The following CLSTN2 variants were observed in gnomAD, a reference collection of about 807,000 sequenced individuals.
The protein encoded by CLSTN2 is calsyntenin 2.
A neutral mutation model predicts 101.2 loss-of-function variants in CLSTN2; 48 were observed. That is an observed-to-expected ratio of 0.47 (90% CI 0.38 to 0.60). The LOEUF is 0.60. Ranked by LOEUF, CLSTN2 falls within the 20% of genes least tolerant of loss-of-function variation. The pLI, the probability that CLSTN2 is intolerant of heterozygous loss-of-function variation, is 0.00. For missense variants in CLSTN2, 1,160 were observed against 1,238.2 expected (o/e 0.94, Z 0.95); for synonymous variants, 481 against 463.6 (o/e 1.04, Z -0.48).
intron 2 of CLSTN2, among the ~76,000 whole-genome samples, chr3:140,210,101 T>A (rs1576468211): frequency 1.3e-5 from 2 of 152,214 alleles, no homozygotes; most frequent in African/African-American, 4.8e-5. Flanking sequence ...CCACATTTAT[T>A]AAGAGACTTC....
At chr3:140,176,374 G>A (rs2010325468) in intron 2 of CLSTN2, among the ~76,000 whole-genome samples, 2 of 152,310 alleles carry the variant, frequency 1.3e-5, no homozygotes, top group Middle Eastern at 3.4e-3. Context: ...GGGCTAGTAA[G>A]GTTCTTAGGG....
Position 140,466,726 on chromosome 3 carries a change from G to T in CLSTN2, c.1339G>T (p.Asp447Tyr). The change falls in exon 8 of 17, where the codon GAT becomes TAT. Residue 447 changes from aspartate (D) to tyrosine (Y), a missense_variant. By Grantham distance (160) the Asp-to-Tyr change is radical. Coordinates refer to ENST00000458420, the MANE Select transcript of CLSTN2 (RefSeq NM_022131.3). Reference sequence around the variant, plus strand: ...CCCCGCGGAGTTCCACTGGAAGCTGGATCAGGTATGGTGCTCACCTCACAC... The same window carrying T: ...CCCCGCGGAGTTCCACTGGAAGCTGTATCAGGTATGGTGCTCACCTCACAC... ...FRPAEFHWKLDQICDKEWHYY... is the reference protein window; with the variant it reads ...FRPAEFHWKLYQICDKEWHYY... The T allele has an allele frequency of 6.2e-7, 1 of 1,614,008 alleles. No individual in the cohort carries two copies.
intron 1 of CLSTN2, among the ~76,000 whole-genome samples, chr3:140,175,734 T>C (rs2010313092): frequency 6.6e-6 from 1 of 152,208 alleles, no homozygotes; most frequent in South Asian, 2.1e-4. Flanking sequence ...CAATGCTGTC[T>C]CTCACCTTCT....
intron 8 of CLSTN2, among the ~76,000 whole-genome samples, chr3:140,527,040 C>G (rs1281266278): frequency 6.6e-6 from 1 of 152,068 alleles, no homozygotes; most frequent in Non-Finnish European, 1.5e-5. Context: ...GAATTTATGG[C>G]TAAGTCCCCG....
At chr3:139,963,443 TG>T (rs1935543935) in intron 1 of CLSTN2, among the ~76,000 whole-genome samples, 1 of 151,798 alleles carries the variant, frequency 6.6e-6, no homozygotes, top group Non-Finnish European at 1.5e-5. Flanking sequence ...ATATTAAGAG[TG>T]GGAGGTAGTG....
At chr3:140,160,726 A>T (rs1248633437) in intron 1 of CLSTN2, among the ~76,000 whole-genome samples, 3 of 152,098 alleles carry the variant, frequency 2.0e-5, no homozygotes, top group Admixed American at 1.3e-4. Flanking sequence ...GTTGTTCAGA[A>T]ATAAGTAGGT....
intron 1 of CLSTN2, among the ~76,000 whole-genome samples, chr3:140,127,779 T>C (rs1018524414): frequency 3.9e-5 from 6 of 152,194 alleles, no homozygotes; most frequent in African/African-American, 1.4e-4. Flanking sequence ...CCAGTTAATA[T>C]ATATAAAGCA....
intron 1 of CLSTN2, among the ~76,000 whole-genome samples, chr3:139,955,763 T>C (rs1052495798): frequency 2.0e-5 from 3 of 152,180 alleles, no homozygotes; most frequent in Non-Finnish European, 4.4e-5. Flanking sequence ...TGACATTAGC[T>C]ACAGTGGTCT....
At chr3:140,076,653 T>TTTC (rs1491412394) in intron 1 of CLSTN2, among the ~76,000 whole-genome samples, 40 of 107,688 alleles carry the variant, frequency 3.7e-4, no homozygotes, top group African/African-American at 1.1e-3. Flanking sequence ...TTTTTTTTTT[T>TTTC]CCTAGCCTTC....
chr3:140,173,494 G>A (rs1042575222), intron 1 of CLSTN2, among the ~76,000 whole-genome samples: 3 of 152,184 alleles, frequency 2.0e-5, no homozygotes, highest in Non-Finnish European at 2.9e-5. Flanking sequence ...GAAGACAGTG[G>A]CTCTCTTCTC....
intron 2 of CLSTN2, among the ~76,000 whole-genome samples, chr3:140,211,501 T>C (rs1206033330): frequency 6.7e-6 from 1 of 150,080 alleles, no homozygotes; most frequent in Non-Finnish European, 1.5e-5. Context: ...TCTCAGATTT[T>C]TTAAACCTGG....
intron 1 of CLSTN2, among the ~76,000 whole-genome samples, chr3:140,110,314 A>T (rs1017799229): frequency 6.6e-6 from 1 of 152,196 alleles, no homozygotes; most frequent in African/African-American, 2.4e-5. Context: ...TAACAAAGGA[A>T]ATTTTAAAGA....
intron 2 of CLSTN2, among the ~76,000 whole-genome samples, chr3:140,259,369 G>A (rs1041364346): frequency 3.3e-5 from 5 of 152,030 alleles, no homozygotes; most frequent in African/African-American, 1.2e-4. Flanking sequence ...AGCTACTCAG[G>A]AGGCTAAGGC....
At chr3:140,548,503 C>T (rs1394358713) in intron 10 of CLSTN2, among the ~76,000 whole-genome samples, 1 of 152,124 alleles carries the variant, frequency 6.6e-6, no homozygotes, top group East Asian at 1.9e-4. Flanking sequence ...TCAGGGAAGC[C>T]TCCTTGGATG....
intron 8 of CLSTN2, among the ~76,000 whole-genome samples, chr3:140,473,255 T>C (rs1406328248): frequency 6.6e-6 from 1 of 152,204 alleles, no homozygotes; most frequent in Non-Finnish European, 1.5e-5. Context: ...GCATGGCTTC[T>C]CCTCATTACT....
At chr3:140,516,923 G>A (rs1042354875) in intron 8 of CLSTN2, among the ~76,000 whole-genome samples, 10 of 152,072 alleles carry the variant, frequency 6.6e-5, no homozygotes, top group African/African-American at 2.2e-4. Flanking sequence ...CTTCAAATAC[G>A]TTTTCCAAAC....
At chr3:140,262,257 G>C (rs2086659620) in intron 2 of CLSTN2, among the ~76,000 whole-genome samples, 1 of 152,166 alleles carries the variant, frequency 6.6e-6, no homozygotes, top group African/African-American at 2.4e-5. Context: ...ATCAAGCTCA[G>C]CATGTGAGTG....
At chr3:140,393,037 A>T (rs945268530) in intron 2 of CLSTN2, among the ~76,000 whole-genome samples, 8 of 152,094 alleles carry the variant, frequency 5.3e-5, no homozygotes, top group Non-Finnish European at 1.0e-4. Context: ...CACGCCCATG[A>T]TAACCTGCTA....
In CLSTN2 at chr3:140,514,291, A is replaced by G. The variant is rs1023395957; in HGVS notation, c.1345-18033A>G. On this transcript the variant is annotated intron_variant, in intron 8 of 16. Coordinates refer to ENST00000458420, the MANE Select transcript of CLSTN2 (RefSeq NM_022131.3). ...TGTACTCTTTTATCCCTCACACCCC[A>G]AAGTCCATTGTGTCATTCTTATGCC... is the stretch of plus-strand genomic sequence containing the variant. Among the ~76,000 whole-genome samples, 4 of 152,112 alleles carry G rather than the reference A, an allele frequency of 2.6e-5. No homozygotes were observed. In the South Asian group the frequency reaches 8.3e-4, roughly 32 times the overall value.
Sources: allele counts gnomAD v4.1 joint callset (sites outside exome capture counted in the v4.1 genomes callset), GRCh38; gene constraint gnomAD v4.1.1; transcripts MANE v1.5; gene names NCBI Gene and HGNC (gene_info 2026-07-23, HGNC 2026-07-21).